The following AUTS2 variants were observed in gnomAD, a reference collection of about 807,000 sequenced individuals.
AUTS2 encodes the protein activator of transcription and developmental regulator AUTS2.
A neutral mutation model predicts 112.4 loss-of-function variants in AUTS2; 17 were observed. That is an observed-to-expected ratio of 0.15 (90% CI 0.10 to 0.23). The LOEUF is 0.23. Ranked by LOEUF, AUTS2 falls within the 10% of genes least tolerant of loss-of-function variation. The pLI is 1.00. For synonymous variants in AUTS2, 751 were observed against 702.7 expected (o/e 1.07, Z -1.09); for missense variants, 1,510 against 1,701.6 (o/e 0.89, Z 1.98).
At chr7:70,587,547 C>T (rs1159678298) in intron 5 of AUTS2, among the ~76,000 whole-genome samples, 2 of 152,208 alleles carry the variant, frequency 1.3e-5, no homozygotes, top group Non-Finnish European at 2.9e-5. Context: ...CACAGGTGAT[C>T]TGTATACAGC....
Position 69,605,472 on chromosome 7 carries a change from A to G in AUTS2, c.309+5510A>G, listed in dbSNP as rs139269970. On this transcript the variant is annotated intron_variant, in intron 1 of 18. Transcript: ENST00000342771. ...ATAGCTCTTTCAGTGTGATGATACT[A>G]GCCCAATTCTGATGCCACCAAGCTG... Among the ~76,000 whole-genome samples the G allele has an allele frequency of 1.9e-3, 294 of 152,326 alleles. 1 individual carries two copies. The highest frequency in any genetic ancestry group is 6.8e-3 in the African/African-American group (282 of 41,554).
At chr7:70,169,349 T>C (rs1163411519) in intron 4 of AUTS2, among the ~76,000 whole-genome samples, 1 of 152,108 alleles carries the variant, frequency 6.6e-6, no homozygotes, top group Non-Finnish European at 1.5e-5. Context: ...CACGCCATTC[T>C]CTTGCCTCAG....
intron 1 of AUTS2, among the ~76,000 whole-genome samples, chr7:69,614,456 C>T (rs1562760134): frequency 1.3e-5 from 2 of 151,510 alleles, no homozygotes; most frequent in Non-Finnish European, 2.9e-5. Flanking sequence ...TGGCCTCAAG[C>T]GATCCTCCTG....
intron 1 of AUTS2, among the ~76,000 whole-genome samples, chr7:69,631,040 G>A (rs150170793): frequency 6.6e-5 from 10 of 152,152 alleles, no homozygotes; most frequent in East Asian, 1.9e-4. Context: ...AGAACTAGGC[G>A]TAGAAACAAG....
chr7:70,472,989 G>A (rs1797450422), intron 5 of AUTS2, among the ~76,000 whole-genome samples: 1 of 152,178 alleles, frequency 6.6e-6, no homozygotes, highest in Non-Finnish European at 1.5e-5. Flanking sequence ...CCTTCCTGAG[G>A]CTCTGTAGCT....
chr7:70,308,963 A>C (rs1789613984), intron 4 of AUTS2, among the ~76,000 whole-genome samples: 1 of 152,234 alleles, frequency 6.6e-6, no homozygotes. Context: ...AAAAAGGCAC[A>C]TGTTCAAAAA....
intron 5 of AUTS2, among the ~76,000 whole-genome samples, chr7:70,697,562 C>CCG (rs1554464404): frequency 5.3e-5 from 7 of 130,962 alleles, no homozygotes; most frequent in Admixed American, 2.3e-4. Context: ...TTCAGAATTC[C>CCG]CCCCCCCCAT....
intron 2 of AUTS2, among the ~76,000 whole-genome samples, chr7:70,023,506 CTG>C (rs1454403996): frequency 2.0e-5 from 3 of 152,118 alleles, no homozygotes; most frequent in Non-Finnish European, 2.9e-5. Context: ...CCAGGTGACT[CTG>C]TAAGTTTTTC....
chr7:70,020,298 C>G (rs1373796097), intron 2 of AUTS2, among the ~76,000 whole-genome samples: 3 of 152,282 alleles, frequency 2.0e-5, no homozygotes, highest in African/African-American at 7.2e-5. Context: ...CCACCCCCCA[C>G]TCTCACCTGC....
chr7:70,311,522 G>C (rs578258299), intron 4 of AUTS2, among the ~76,000 whole-genome samples: 27 of 152,116 alleles, frequency 1.8e-4, no homozygotes, highest in African/African-American at 6.5e-4. Context: ...AAGGCCTATG[G>C]GGAAATCTCT....
At chr7:69,715,359 A>G (rs566858566) in intron 1 of AUTS2, among the ~76,000 whole-genome samples, 8 of 152,230 alleles carry the variant, frequency 5.3e-5, no homozygotes, top group African/African-American at 9.6e-5. Context: ...TTGAAACACT[A>G]TCAGCTTTTC....
intron 4 of AUTS2, among the ~76,000 whole-genome samples, chr7:70,178,036 C>T (rs1433303442): frequency 6.6e-6 from 1 of 152,030 alleles, no homozygotes; most frequent in Non-Finnish European, 1.5e-5. Context: ...CTGCCTCAGC[C>T]TCCCGAGTAG....
chr7:70,788,548 C>G (rs112859396), intron 18 of AUTS2, among the ~76,000 whole-genome samples: 3 of 152,194 alleles, frequency 2.0e-5, no homozygotes, highest in Non-Finnish European at 4.4e-5. Context: ...CCCTAGGCCG[C>G]GAGCTCTCTG....
At chr7:70,435,836 A>T in intron 5 of AUTS2, 55 bp downstream of exon 5, 1 of 1,578,068 alleles carries the variant, frequency 6.3e-7, no homozygotes, top group South Asian at 1.1e-5. Flanking sequence ...TGAACACCAG[A>T]GTCCTCCCAC....
intron 2 of AUTS2, among the ~76,000 whole-genome samples, chr7:69,954,628 C>A (rs1483545698): frequency 3.9e-5 from 6 of 152,148 alleles, no homozygotes; most frequent in African/African-American, 1.4e-4. Context: ...AATGTGCTGG[C>A]CAAATAAAAC....
At chr7:69,634,333 G>C (rs530572671) in intron 1 of AUTS2, among the ~76,000 whole-genome samples, 2 of 151,990 alleles carry the variant, frequency 1.3e-5, no homozygotes, top group Admixed American at 6.6e-5. Flanking sequence ...TGTTAGCCAG[G>C]ATGGTCTCGA....
At chr7:70,247,980 A>G (rs561579816) in intron 4 of AUTS2, among the ~76,000 whole-genome samples, 3 of 152,276 alleles carry the variant, frequency 2.0e-5, no homozygotes, top group African/African-American at 7.2e-5. Flanking sequence ...TGAAATGATG[A>G]TGTGATTTTC....
intron 4 of AUTS2, among the ~76,000 whole-genome samples, chr7:70,188,903 A>G (rs1809743756): frequency 6.8e-6 from 1 of 147,592 alleles, no homozygotes; most frequent in African/African-American, 2.5e-5. Flanking sequence ...TTTTTTCTTT[A>G]TTAATTATTT....
intron 5 of AUTS2, among the ~76,000 whole-genome samples, chr7:70,528,947 T>A (rs932983723): frequency 1.8e-4 from 28 of 152,200 alleles, no homozygotes; most frequent in Non-Finnish European, 7.3e-5. Context: ...TTCCCAAATG[T>A]TGTTTATTTG....
Sources: gnomAD v4.1 joint callset for allele counts (sites outside exome capture counted in the v4.1 genomes callset) on GRCh38, gnomAD v4.1.1 for gene constraint, MANE v1.5 for transcripts, NCBI Gene and HGNC (gene_info 2026-07-23, HGNC 2026-07-21) for gene names.